GABRB2: variants seen among roughly 807,000 people sequenced by gnomAD.
The protein encoded by GABRB2 is gamma-aminobutyric acid type A receptor subunit beta2, also known as gamma-aminobutyric acid receptor subunit beta-2.
In GABRB2, 16 loss-of-function variants were observed where a neutral mutation model predicts 54.7. The ratio of observed to expected loss-of-function variants is 0.29; its 90% confidence interval spans 0.20 to 0.44. The LOEUF (loss-of-function observed/expected upper bound fraction) is 0.44. Among genes scored for constraint, GABRB2 ranks in the 20% least tolerant of loss-of-function variants. The probability of loss-of-function intolerance (pLI) is 1.00; values close to 1 mark genes in which losing one functional copy is unlikely to be tolerated. For missense variants in GABRB2, 355 were observed against 644.0 expected (o/e 0.55, Z 4.86); for synonymous variants, 244 against 233.8 (o/e 1.04, Z -0.40).
chr5:161,444,029 C>T (rs1757543201), intron 4 of GABRB2, among the ~76,000 whole-genome samples: 1 of 152,138 alleles, frequency 6.6e-6, no homozygotes, highest in Non-Finnish European at 1.5e-5. Context: ...TTATGTCTAA[C>T]TTCCCAAAGG....
At chr5:161,347,229 C>T (rs1165415001) in intron 5 of GABRB2, among the ~76,000 whole-genome samples, 1 of 152,044 alleles carries the variant, frequency 6.6e-6, no homozygotes, top group Non-Finnish European at 1.5e-5. Context: ...CTATTTTTCT[C>T]ATTTTACAGA....
chr5:161,508,858 A>T (rs989453037), intron 3 of GABRB2, among the ~76,000 whole-genome samples: 4 of 152,056 alleles, frequency 2.6e-5, no homozygotes, highest in Non-Finnish European at 5.9e-5. Flanking sequence ...ATACTATCCT[A>T]GGAATCATAA....
intron 5 of GABRB2, among the ~76,000 whole-genome samples, chr5:161,394,548 T>C (rs928303262): frequency 1.3e-5 from 2 of 151,966 alleles, no homozygotes; most frequent in Non-Finnish European, 1.5e-5. Context: ...AAAAGGATAA[T>C]AGGTGAATAC....
At chr5:161,428,838 C>T (rs1392909690) in intron 4 of GABRB2, among the ~76,000 whole-genome samples, 1 of 151,948 alleles carries the variant, frequency 6.6e-6, no homozygotes, top group Non-Finnish European at 1.5e-5. Context: ...ATTATTTAAC[C>T]TACTTGAGAC....
Position 161,288,525 on chromosome 5 carries a change from T to A in GABRB2, c.*5556A>T, listed in dbSNP as rs1404338431. 3 of 152,610 alleles carry A rather than the reference T, an allele frequency of 2.0e-5. No individual in the cohort carries two copies. Among genetic ancestry groups the A allele is most frequent in the African/African-American group, 7.2e-5 (3 of 41,458 alleles). The allele number at this position is 152,610 out of a possible 1,614,324, so 9.5% of individuals were successfully genotyped here. A position where few individuals can be genotyped will look rare whatever the true frequency, so the allele number is the denominator to read the frequency against. Reference sequence around the variant, plus strand: ...ACATGCTGAAACTGGCTGCAATAAGTTTAAATTCAAGAAAATAATTCTTAT... The same window carrying A: ...ACATGCTGAAACTGGCTGCAATAAGATTAAATTCAAGAAAATAATTCTTAT... On this transcript the variant is annotated 3_prime_UTR_variant, in exon 10 of 10. Transcript: ENST00000393959.
At chr5:161,335,262 T>C (rs1043684411) in intron 6 of GABRB2, among the ~76,000 whole-genome samples, 1 of 152,130 alleles carries the variant, frequency 6.6e-6, no homozygotes, top group African/African-American at 2.4e-5. Flanking sequence ...TAATCTTATG[T>C]GAGAGTGAGG....
intron 4 of GABRB2, among the ~76,000 whole-genome samples, chr5:161,449,533 G>A (rs1374898035): frequency 6.6e-6 from 1 of 152,124 alleles, no homozygotes; most frequent in Non-Finnish European, 1.5e-5. Context: ...TGAAATCAAA[G>A]TGATGCAAAA....
chr5:161,521,946 C>T (rs1463579528), intron 3 of GABRB2, among the ~76,000 whole-genome samples: 1 of 151,762 alleles, frequency 6.6e-6, no homozygotes, highest in African/African-American at 2.4e-5. Flanking sequence ...ACAAATATTT[C>T]CAAATGAATC....
At chr5:161,536,241 G>A (rs562041112) in intron 3 of GABRB2, among the ~76,000 whole-genome samples, 1 of 152,088 alleles carries the variant, frequency 6.6e-6, no homozygotes, top group Non-Finnish European at 1.5e-5. Context: ...AGCGCTGTAC[G>A]AAAGTTCAGG....
At chr5:161,322,678 A>T (rs1475764804) in intron 9 of GABRB2, among the ~76,000 whole-genome samples, 1 of 152,154 alleles carries the variant, frequency 6.6e-6, no homozygotes. Context: ...CTGTATATTT[A>T]TTATGCTTCC....
intron 3 of GABRB2, among the ~76,000 whole-genome samples, chr5:161,541,746 G>GATCTTCT (rs1260996334): frequency 4.6e-5 from 7 of 152,162 alleles, no homozygotes; most frequent in Admixed American, 1.3e-4. Context: ...TGACTAGTTT[G>GATCTTCT]ATCTTCTATC....
intron 8 of GABRB2, chr5:161,330,532 G>C: frequency 5.7e-6 from 1 of 176,032 alleles, no homozygotes; most frequent in East Asian, 1.4e-4. Context: ...TGTCCAGCAA[G>C]TAATACTGAC....
At chr5:161,521,999 A>G (rs1178478299) in intron 3 of GABRB2, among the ~76,000 whole-genome samples, 1 of 151,912 alleles carries the variant, frequency 6.6e-6, no homozygotes, top group Non-Finnish European at 1.5e-5. Flanking sequence ...AAGCTGCACA[A>G]CCAGTTCCTT....
intron 4 of GABRB2, among the ~76,000 whole-genome samples, chr5:161,452,556 G>A (rs1432073245): frequency 6.6e-6 from 1 of 152,092 alleles, no homozygotes; most frequent in East Asian, 1.9e-4. Flanking sequence ...ACCTGCTTGC[G>A]CTTCAGCTGA....
rs1019464161 is a variant in GABRB2 at position 161,461,485 on chromosome 5, C to T, written c.238-1641G>A. The stretch of plus-strand genomic sequence containing the variant: ...ATATAAATGGGGCTTTTAATACATG[C>T]CTGATCTAATCAGAAGGTTATTATG... On this transcript the variant is annotated intron_variant, in intron 3 of 9. Coordinates refer to ENST00000393959, the MANE Select transcript of GABRB2 (RefSeq NM_001371727.1). 2.0e-5 allele frequency among the ~76,000 whole-genome samples: 3 copies of T among 152,184 alleles called. No homozygotes were observed. In the East Asian group the frequency reaches 5.8e-4, roughly 29 times the overall value.
At chr5:161,505,493 C>G (rs1483296042) in intron 3 of GABRB2, among the ~76,000 whole-genome samples, 2 of 151,962 alleles carry the variant, frequency 1.3e-5, no homozygotes, top group Non-Finnish European at 2.9e-5. Flanking sequence ...ATTATAAGGA[C>G]AGAAAACTGT....
chr5:161,343,582 T>C (rs2113420876), intron 5 of GABRB2, among the ~76,000 whole-genome samples: 1 of 152,224 alleles, frequency 6.6e-6, no homozygotes, highest in East Asian at 1.9e-4. Flanking sequence ...GATGTGTTTC[T>C]TAAATTTTCT....
chr5:161,527,716 G>A (rs1354294153), intron 3 of GABRB2, among the ~76,000 whole-genome samples: 3 of 151,470 alleles, frequency 2.0e-5, no homozygotes, highest in South Asian at 2.1e-4. Flanking sequence ...CTATAAACAC[G>A]GAAGAGTGTC....
chr5:161,418,325 C>T (rs1469718363), intron 4 of GABRB2, among the ~76,000 whole-genome samples: 2 of 152,102 alleles, frequency 1.3e-5, no homozygotes, highest in Non-Finnish European at 2.9e-5. Context: ...ACATTCCTGG[C>T]GGTCTCATCT....
Sources: allele counts gnomAD v4.1 joint callset (sites outside exome capture counted in the v4.1 genomes callset), GRCh38; gene constraint gnomAD v4.1.1; transcripts MANE v1.5; gene names NCBI Gene and HGNC (gene_info 2026-07-23, HGNC 2026-07-21).